The following ADGRL3 variants were observed in gnomAD, a reference collection of about 807,000 sequenced individuals.
ADGRL3 encodes the protein adhesion G protein-coupled receptor L3, also known as calcium-independent alpha-latrotoxin receptor 3.
Under a neutral mutation model 153.5 loss-of-function variants are expected in ADGRL3, and 62 were observed. The observed-to-expected ratio is 0.40, with a 90% CI of 0.33 to 0.50. The LOEUF (loss-of-function observed/expected upper bound fraction) is 0.50. Ranked by LOEUF, ADGRL3 falls within the 20% of genes least tolerant of loss-of-function variation. The pLI is 0.47. For synonymous variants in ADGRL3, 710 were observed against 672.5 expected, an observed-to-expected ratio of 1.06 and a Z score of -0.86; for missense variants, 1,641 against 1,859.4, an observed-to-expected ratio of 0.88 and a Z score of 2.16.
intron 11 of ADGRL3, among the ~76,000 whole-genome samples, chr4:61,900,928 T>A (rs1479209777): frequency 2.0e-5 from 3 of 152,192 alleles, no homozygotes; most frequent in Non-Finnish European, 2.9e-5. Context: ...CTCACCTATC[T>A]TAATGACTGC....
chr4:61,651,172 T>A (rs2094233992), intron 5 of ADGRL3, among the ~76,000 whole-genome samples: 1 of 152,132 alleles, frequency 6.6e-6, no homozygotes, highest in Non-Finnish European at 1.5e-5. Context: ...AGCATAGAAA[T>A]CTTAAAAAAT....
intron 1 of ADGRL3, among the ~76,000 whole-genome samples, chr4:61,262,608 T>C (rs1295286600): frequency 1.3e-5 from 2 of 152,156 alleles, no homozygotes; most frequent in Non-Finnish European, 2.9e-5. Flanking sequence ...TATCATTTTC[T>C]CTCTTTTGGG....
At chr4:61,562,524 C>T (rs1040342179) in intron 4 of ADGRL3, among the ~76,000 whole-genome samples, 4 of 152,112 alleles carry the variant, frequency 2.6e-5, no homozygotes, top group Non-Finnish European at 4.4e-5. Context: ...CTAAATCCTT[C>T]GTTGTCATTT....
intron 8 of ADGRL3, among the ~76,000 whole-genome samples, chr4:61,773,228 T>C (rs1218876615): frequency 1.3e-5 from 2 of 152,186 alleles, no homozygotes; most frequent in Non-Finnish European, 2.9e-5. Context: ...CACCAGAGAC[T>C]TTTTAAGCCC....
intron 1 of ADGRL3, among the ~76,000 whole-genome samples, chr4:61,280,843 C>T (rs145116802): frequency 0.018 from 2,677 of 152,116 alleles, 38 homozygotes; most frequent in Middle Eastern, 0.031. Context: ...TGCTTTGCAA[C>T]ATTTAAAACT....
chr4:61,313,083 A>T (rs1296948421), intron 1 of ADGRL3, among the ~76,000 whole-genome samples: 1 of 152,214 alleles, frequency 6.6e-6, no homozygotes, highest in African/African-American at 2.4e-5. Context: ...AGACATGGGG[A>T]CATCCTAAAT....
rs1491302780 is a variant in ADGRL3, at chr4:61,711,458, T to TTTTATATA, written c.584-19163_584-19162insTTATATAT. Among the ~76,000 whole-genome samples, 162 of 34,628 alleles carry TTTTATATA rather than the reference T, an allele frequency of 4.7e-3. 11 individuals are homozygous for TTTTATATA. The highest frequency in any genetic ancestry group is 0.018 in the Middle Eastern group (1 of 56). The allele number at this position is 34,628 out of a possible 152,430, so 22.7% of individuals were successfully genotyped here. ...ATACTATCTTAAAACATATGCTTCA[T>TTTTATATA]TATATATATATATATATATATATAT... On this transcript the variant is annotated intron_variant, in intron 6 of 26. Coordinates refer to ENST00000683033, the MANE Select transcript of ADGRL3 (RefSeq NM_001387552.1).
chr4:61,256,198 C>T (rs1293305041), intron 1 of ADGRL3, among the ~76,000 whole-genome samples: 1 of 152,144 alleles, frequency 6.6e-6, no homozygotes, highest in Non-Finnish European at 1.5e-5. Flanking sequence ...ATCAGGTGGC[C>T]ATTCTCTTTA....
intron 8 of ADGRL3, among the ~76,000 whole-genome samples, chr4:61,736,126 T>C (rs2096508388): frequency 6.6e-6 from 1 of 152,126 alleles, no homozygotes; most frequent in South Asian, 2.1e-4. Flanking sequence ...TATTGTTATA[T>C]GTTTATATAT....
In ADGRL3 at chr4:61,733,189, C is replaced by T; in HGVS notation, c.1034C>T (p.Ala345Val). Residue 345 changes from alanine to valine, a missense_variant, in exon 8 of 27, where the codon GCA becomes GTA. Ala to Val is a moderately conservative substitution (Grantham distance 64). Transcript: ENST00000683033. ...VDENGLWVIY[A>V]TEQNNGKIVI... The stretch of plus-strand genomic sequence containing the variant: ...GAGAATGGGCTATGGGTAATCTATG[C>T]AACAGAACAAAACAATGGTAAAATT... The T allele has an allele frequency of 6.2e-7, 1 of 1,613,268 alleles. No individual in the cohort carries two copies. Among genetic ancestry groups the T allele is most frequent in the Non-Finnish European group, 8.5e-7 (1 of 1,179,628 alleles).
chr4:61,259,423 A>AAAAT (rs58289743), intron 1 of ADGRL3, among the ~76,000 whole-genome samples: 11,667 of 142,752 alleles, frequency 0.082, 484 homozygotes, highest in Non-Finnish European at 0.097. Flanking sequence ...ACTCTGTCTC[A>AAAAT]AAATAAATAA....
intron 4 of ADGRL3, among the ~76,000 whole-genome samples, chr4:61,570,256 C>T (rs2098833051): frequency 6.6e-6 from 1 of 152,108 alleles, no homozygotes. Flanking sequence ...ATACAGCCAT[C>T]TCTGTCCATT....
intron 1 of ADGRL3, among the ~76,000 whole-genome samples, chr4:61,265,596 C>A (rs1355056459): frequency 6.6e-6 from 1 of 151,804 alleles, no homozygotes; most frequent in Non-Finnish European, 1.5e-5. Flanking sequence ...AATATAACAT[C>A]AGGAGTTTTG....
chr4:61,243,992 T>C (rs1046382468), intron 1 of ADGRL3, among the ~76,000 whole-genome samples: 5 of 152,070 alleles, frequency 3.3e-5, no homozygotes, highest in African/African-American at 1.2e-4. Context: ...TTAATTTGTA[T>C]TGGCAATTGT....
chr4:61,370,353 T>C (rs2096495518), intron 1 of ADGRL3, among the ~76,000 whole-genome samples: 2 of 151,720 alleles, frequency 1.3e-5, no homozygotes, highest in Admixed American at 6.6e-5. Flanking sequence ...TCCTGCTTTC[T>C]CTTGTGGGCA....
intron 9 of ADGRL3, among the ~76,000 whole-genome samples, chr4:61,868,335 C>T (rs544541119): frequency 3.9e-5 from 6 of 152,038 alleles, no homozygotes; most frequent in East Asian, 1.9e-4. Flanking sequence ...AAAAATCAAG[C>T]GATTTCTATC....
At position 62,075,955 on chromosome 4, in the gene ADGRL3, T is replaced by A. The variant is rs1349414035; in HGVS notation, c.*5047T>A. On this transcript the variant is annotated 3_prime_UTR_variant, in exon 27 of 27. Coordinates refer to ENST00000683033, the MANE Select transcript of ADGRL3 (RefSeq NM_001387552.1). The stretch of plus-strand genomic sequence containing the variant: ...ATTAGGCCATAAGAAGAAACTTTCC[T>A]ATTTACTAATTAACACTGATTACAC... 2 of 152,286 alleles carry A rather than the reference T, an allele frequency of 1.3e-5. No individual in the cohort carries two copies. Among genetic ancestry groups the A allele is most frequent in the African/African-American group, 2.4e-5 (1 of 41,580 alleles). The allele number at this position is 152,286 out of a possible 1,614,324, so 9.4% of individuals were successfully genotyped here. A position where few individuals can be genotyped will look rare whatever the true frequency, so the allele number is the denominator to read the frequency against.
intron 1 of ADGRL3, among the ~76,000 whole-genome samples, chr4:61,271,000 A>G (rs150969383): frequency 0.021 from 3,206 of 151,880 alleles, 32 homozygotes; most frequent in Non-Finnish European, 0.034. Flanking sequence ...AGAGCCTCCT[A>G]TATGAGAGGC....
intron 8 of ADGRL3, among the ~76,000 whole-genome samples, chr4:61,797,262 C>T (rs1201625150): frequency 6.6e-6 from 1 of 152,120 alleles, no homozygotes; most frequent in Non-Finnish European, 1.5e-5. Context: ...AGGATATTCA[C>T]ATTTTATTAT....
Sources: allele counts gnomAD v4.1 joint callset (sites outside exome capture counted in the v4.1 genomes callset), GRCh38; gene constraint gnomAD v4.1.1; transcripts MANE v1.5; gene names NCBI Gene and HGNC (gene_info 2026-07-23, HGNC 2026-07-21).